Variants in FADS2 observed in about 807,000 individuals in gnomAD.
The protein encoded by FADS2 is fatty acid desaturase 2.
In FADS2, 18 loss-of-function variants were observed where a neutral mutation model predicts 61.2. The ratio of observed to expected loss-of-function variants is 0.29; its 90% confidence interval spans 0.20 to 0.44. The LOEUF (loss-of-function observed/expected upper bound fraction) is 0.44, where lower values mean the gene tolerates loss of function less well. FADS2 is among the 20% of genes least tolerant of loss of function. The probability of loss-of-function intolerance (pLI) is 1.00; values close to 1 mark genes in which losing one functional copy is unlikely to be tolerated. For missense variants in FADS2, 322 were observed against 572.7 expected, an observed-to-expected ratio of 0.56 and a Z score of 4.47; for synonymous variants, 203 against 223.9, an observed-to-expected ratio of 0.91 and a Z score of 0.83.
intron 5 of FADS2, among the ~76,000 whole-genome samples, chr11:61,850,888 G>T (rs543429813): frequency 1.3e-5 from 2 of 152,118 alleles, no homozygotes; most frequent in Non-Finnish European, 1.5e-5. Context: ...GGAACAAGGC[G>T]AGGAGACAGC....
At chr11:61,851,385 TA>T (rs1164103463) in intron 5 of FADS2, among the ~76,000 whole-genome samples, 1 of 152,116 alleles carries the variant, frequency 6.6e-6, no homozygotes, top group Non-Finnish European at 1.5e-5. Context: ...GGGCAGGAGA[TA>T]GGGGTGGGAG....
At chr11:61,836,131 T>A (rs1345371083) in intron 1 of FADS2, among the ~76,000 whole-genome samples, 3 of 152,222 alleles carry the variant, frequency 2.0e-5, no homozygotes, top group African/African-American at 7.2e-5. Flanking sequence ...AAAGTCTCAC[T>A]CTGTCGCCCA....
intron 2 of FADS2, 146 bp from the exon 3 acceptor site, chr11:61,840,188 C>A: frequency 1.5e-6 from 1 of 680,696 alleles, no homozygotes; most frequent in East Asian, 2.7e-5. Flanking sequence ...TGTAGGGACT[C>A]CTGGAGGGTC....
At chr11:61,823,709 G>A (rs2067049555), upstream of FADS2, among the ~76,000 whole-genome samples, 1 of 152,058 alleles carries the variant, frequency 6.6e-6, no homozygotes, top group South Asian at 2.1e-4. Context: ...TACAGACAGG[G>A]TCTCACTGTG....
At chr11:61,833,350 C>A (rs1274279861) in intron 1 of FADS2, among the ~76,000 whole-genome samples, 1 of 152,218 alleles carries the variant, frequency 6.6e-6, no homozygotes, top group African/African-American at 2.4e-5. Flanking sequence ...CTGCCTTATA[C>A]CTGCCAGATA....
rs1008542468 is a variant in FADS2 at position 61,856,749 on chromosome 11, C to T, written c.745-262C>T. ...ACGCTGAGCCTCAGCCTCAGAAGTG[C>T]CGGCCTTGTAGAGGATCGATGCCAT... On this transcript the variant is annotated intron_variant, in intron 5 of 11. Coordinates refer to ENST00000278840, the MANE Select transcript of FADS2 (RefSeq NM_004265.4). 24 of 493,062 alleles carry T rather than the reference C, an allele frequency of 4.9e-5. No individual in the cohort carries two copies. The Admixed American group carries it at 5.2e-4, about 11-fold the overall frequency. The allele number at this position is 493,062 out of a possible 1,614,324, so 30.5% of individuals were successfully genotyped here. A position where few individuals can be genotyped will look rare whatever the true frequency, so the allele number is the denominator to read the frequency against.
chr11:61,826,107 C>T, upstream of FADS2: 2 of 702,634 alleles, frequency 2.8e-6, no homozygotes, highest in East Asian at 2.7e-5. Flanking sequence ...CACAGTACAC[C>T]TGCTTTACGG....
At chr11:61,844,589 C>T (rs1473290415) in intron 4 of FADS2, among the ~76,000 whole-genome samples, 1 of 151,470 alleles carries the variant, frequency 6.6e-6, no homozygotes, top group Non-Finnish European at 1.5e-5. Flanking sequence ...AAGCTAATCG[C>T]TTGGTTGACA....
intron 4 of FADS2, among the ~76,000 whole-genome samples, chr11:61,842,281 C>T (rs905596205): frequency 6.6e-6 from 1 of 152,242 alleles, no homozygotes; most frequent in African/African-American, 2.4e-5. Context: ...CCTGAAGCGG[C>T]CTGAGAACCT....
In FADS2 at chr11:61,816,342, C is replaced by A. The variant is rs2135943356; in HGVS notation, c.57C>A (p.Ile19=). Residue 19 remains isoleucine, a synonymous_variant, in exon 1 of 12, where the codon ATC becomes ATA. Coordinates refer to the FADS2 transcript ENST00000257261. This position sits in a 1 kb window ranked among gnomAD's most constrained non-coding sequence, Gnocchi z 7.0. ...GTGTGTGCGTGTTGTTGGCCTCCAT[C>A]CCCACTCCCCAGACTCCACTTCTCC... 1 of 1,598,382 alleles carries A rather than the reference C, an allele frequency of 6.3e-7. No individual in the cohort carries two copies. Among genetic ancestry groups the A allele is most frequent in the Admixed American group, 1.7e-5 (1 of 60,022 alleles).
intron 1 of FADS2, among the ~76,000 whole-genome samples, chr11:61,819,129 C>A (rs909423592): frequency 2.0e-5 from 3 of 152,092 alleles, no homozygotes; most frequent in Admixed American, 6.5e-5. Flanking sequence ...CCGCCTCGGC[C>A]TCCCAAAGTG....
At chr11:61,846,367 T>G (rs1420268679) in intron 4 of FADS2, among the ~76,000 whole-genome samples, 1 of 151,924 alleles carries the variant, frequency 6.6e-6, no homozygotes, top group Non-Finnish European at 1.5e-5. Context: ...TCCACACGCT[T>G]CAGCCTCCCA....
intron 5 of FADS2, 69 bp from the exon 6 acceptor site, chr11:61,856,942 T>C (rs174602): frequency 0.25 from 306,258 of 1,204,716 alleles, 49,681 homozygotes; most frequent in African/African-American, 0.68. Flanking sequence ...GGCTGCAGGA[T>C]GGGTTGGGGA....
intron 7 of FADS2, among the ~76,000 whole-genome samples, chr11:61,860,746 C>G (rs555961242): frequency 1.3e-5 from 2 of 152,154 alleles, no homozygotes; most frequent in East Asian, 3.9e-4. Context: ...ATGGGCGAAA[C>G]CCTGTCTCTA....
rs965089237 is a variant in FADS2 at position 61,828,644 on chromosome 11, A to G, written c.207+47A>G. 1 of 1,552,986 alleles carries G rather than the reference A, an allele frequency of 6.4e-7. No homozygotes were observed. The highest frequency in any genetic ancestry group is 8.8e-7 in the Non-Finnish European group (1 of 1,138,238). On this transcript the variant is annotated intron_variant, in intron 1 of 11. Transcript: ENST00000278840. This position sits in a 1 kb window ranked among gnomAD's most constrained non-coding sequence, Gnocchi z 6.4. ...AGCCACCCTTCTCTGCTGCAGGCGG[A>G]GTCAGGATCCCTGGCTCCCCGTGGG... is the stretch of plus-strand genomic sequence containing the variant.
At chr11:61,825,668 G>A (rs907595843), upstream of FADS2, among the ~76,000 whole-genome samples, 4 of 149,320 alleles carry the variant, frequency 2.7e-5, no homozygotes, top group African/African-American at 9.9e-5. Flanking sequence ...CGAGGCAGGT[G>A]GATCACGAGG....
chr11:61,855,835 C>T (rs1020000976), intron 5 of FADS2: 3 of 152,364 alleles, frequency 2.0e-5, no homozygotes, highest in African/African-American at 7.2e-5. Flanking sequence ...CTCCTGACTG[C>T]AATAAGTATG....
chr11:61,832,290 C>T (rs1334638218), intron 1 of FADS2, among the ~76,000 whole-genome samples: 1 of 152,202 alleles, frequency 6.6e-6, no homozygotes, highest in Non-Finnish European at 1.5e-5. Flanking sequence ...ACTCTGGCCT[C>T]CTTTGCACGG....
At position 61,863,869 on chromosome 11, in the gene FADS2, T is replaced by C. The variant is rs926002037; in HGVS notation, c.1157+83T>C. 3.7e-6 allele frequency: 4 copies of C among 1,094,566 alleles called. No individual in the cohort carries two copies. In the South Asian group the frequency reaches 5.0e-5, roughly 14 times the overall value. 67.8% of individuals were successfully genotyped at this position (1,094,566 alleles called of 1,614,324 possible). On this transcript the variant is annotated intron_variant, in intron 10 of 11. Transcript: ENST00000278840. ...ATCCCACTGGGCAGAATGCAGAATG[T>C]GGGGGCCACCTCTTTGTCTCTCTGA...
Sources: allele counts gnomAD v4.1 joint callset (sites outside exome capture counted in the v4.1 genomes callset), GRCh38; gene constraint gnomAD v4.1.1; non-coding constraint Gnocchi (gnomAD v3.1); transcripts MANE v1.5; gene names NCBI Gene and HGNC (gene_info 2026-07-23, HGNC 2026-07-21).